The following VRK2 variants were observed in gnomAD, a reference collection of about 807,000 sequenced individuals.
VRK2 encodes the protein VRK serine/threonine kinase 2, also known as serine/threonine-protein kinase VRK2.
Under a neutral mutation model 57.6 loss-of-function variants are expected in VRK2, and 60 were observed. That is an observed-to-expected ratio of 1.04 (90% CI 0.85 to 1.29). The LOEUF is 1.29. Ranked by LOEUF, VRK2 falls within the 50% of genes most tolerant of loss-of-function variation. The pLI is 0.00. For synonymous variants in VRK2, 231 were observed against 199.2 expected, an observed-to-expected ratio of 1.16 and a Z score of -1.35; for missense variants, 705 against 588.1, an observed-to-expected ratio of 1.20 and a Z score of -2.06.
intron 1 of VRK2, among the ~76,000 whole-genome samples, chr2:58,004,345 T>C (rs79222618): frequency 1.3e-5 from 2 of 152,168 alleles, no homozygotes; most frequent in Non-Finnish European, 2.9e-5. Context: ...TTTTCTAAAA[T>C]GTATTACTGA....
At chr2:58,119,234 A>AAG (rs1159935424) in intron 7 of VRK2, among the ~76,000 whole-genome samples, 1 of 151,828 alleles carries the variant, frequency 6.6e-6, no homozygotes, top group Admixed American at 6.6e-5. Flanking sequence ...GCAGTGGCTC[A>AAG]CGCCTGTAAT....
rs149759924 is a variant in VRK2 at position 58,151,251 on chromosome 2, A to G, written c.1182+4777A>G. On this transcript the variant is annotated intron_variant, in intron 12 of 12. Transcript: ENST00000340157. ...GCTTCTATACATTTTTGCTTCATAG[A>G]TTTTGATGCTGTTATTAGGTATATG... is the stretch of plus-strand genomic sequence containing the variant. Among the ~76,000 whole-genome samples the G allele has an allele frequency of 5.3e-3, 797 of 151,798 alleles. 10 individuals are homozygous for G. Among genetic ancestry groups the G allele is most frequent in the African/African-American group, 0.018 (742 of 41,524 alleles).
At chr2:58,129,508 T>C (rs1678849953) in intron 8 of VRK2, among the ~76,000 whole-genome samples, 1 of 152,120 alleles carries the variant, frequency 6.6e-6, no homozygotes, top group Non-Finnish European at 1.5e-5. Flanking sequence ...AAGAAGCAAC[T>C]TTCAAATTAA....
intron 1 of VRK2, among the ~76,000 whole-genome samples, chr2:57,926,485 C>T (rs1670539048): frequency 7.0e-6 from 1 of 143,052 alleles, no homozygotes. Flanking sequence ...TATATATATA[C>T]AATTATATAT....
At chr2:58,069,804 ACT>A (rs1171000660) in intron 2 of VRK2, among the ~76,000 whole-genome samples, 1 of 152,234 alleles carries the variant, frequency 6.6e-6, no homozygotes, top group East Asian at 1.9e-4. Flanking sequence ...ACTCTTCTTA[ACT>A]AGAGAGCTTC....
rs1486749786 is a variant in VRK2 at position 58,103,533 on chromosome 2, G to T, written c.543+13810G>T. ...TTCCTAGAAACATACAACCTCTCAA[G>T]ATTGAACCAGGAAGAAATAGAAATC... is the stretch of plus-strand genomic sequence containing the variant. On this transcript the variant is annotated intron_variant, in intron 7 of 12. Transcript: ENST00000340157. Among the ~76,000 whole-genome samples, 4 of 151,780 alleles carry T rather than the reference G, an allele frequency of 2.6e-5. No individual in the cohort carries two copies. The South Asian group carries it at 8.3e-4, about 31-fold the overall frequency.
intron 1 of VRK2, among the ~76,000 whole-genome samples, chr2:57,952,135 T>G (rs1048744409): frequency 4.6e-5 from 7 of 151,678 alleles, no homozygotes; most frequent in Non-Finnish European, 5.9e-5. Flanking sequence ...GAGATAGAGA[T>G]AGAGATAGAG....
At chr2:58,080,331 G>T (rs13392156) in intron 2 of VRK2, among the ~76,000 whole-genome samples, 11,785 of 151,790 alleles carry the variant, frequency 0.078, 481 homozygotes, top group South Asian at 0.12. Context: ...ATTTTAGATG[G>T]GTTTGAAAAG....
At chr2:57,930,291 C>G (rs545419363) in intron 1 of VRK2, among the ~76,000 whole-genome samples, 34 of 152,262 alleles carry the variant, frequency 2.2e-4, no homozygotes, top group African/African-American at 7.5e-4. Context: ...AAATGCTCCT[C>G]TGTGTGTGCC....
chr2:57,912,916 T>C (rs1670034547), intron 1 of VRK2, among the ~76,000 whole-genome samples: 1 of 152,146 alleles, frequency 6.6e-6, no homozygotes, highest in Non-Finnish European at 1.5e-5. Flanking sequence ...ATGGAATTAG[T>C]GCTCTTATTA....
chr2:58,102,501 A>G (rs1175554998), intron 7 of VRK2, among the ~76,000 whole-genome samples: 1 of 151,292 alleles, frequency 6.6e-6, no homozygotes, highest in Admixed American at 6.6e-5. Flanking sequence ...TTAAAAAAAA[A>G]AAAAAAGACA....
chr2:58,147,327 A>C (rs1573398609), intron 12 of VRK2: 1 of 365,140 alleles, frequency 2.7e-6, no homozygotes, highest in East Asian at 6.0e-5. Context: ...TACTAATAGC[A>C]ATCTTTTACA....
intron 10 of VRK2, 97 bp downstream of exon 10, chr2:58,135,296 A>T (rs953184539): frequency 3.0e-6 from 4 of 1,329,906 alleles, no homozygotes; most frequent in Non-Finnish European, 4.3e-6. Flanking sequence ...ACTTGCTCCT[A>T]TTCCCATCAG....
intron 1 of VRK2, among the ~76,000 whole-genome samples, chr2:57,974,602 G>A (rs1026333491): frequency 1.3e-5 from 2 of 151,796 alleles, no homozygotes; most frequent in African/African-American, 4.8e-5. Flanking sequence ...TTAGAATTCA[G>A]TGAAAATTTG....
chr2:57,927,307 C>T (rs1389190770), intron 1 of VRK2, among the ~76,000 whole-genome samples: 5 of 144,020 alleles, frequency 3.5e-5, no homozygotes, highest in South Asian at 2.2e-4. Flanking sequence ...GATGAAGTCT[C>T]GCTCTATCGC....
intron 2 of VRK2, among the ~76,000 whole-genome samples, chr2:58,026,169 T>C (rs1044774130): frequency 1.3e-5 from 2 of 152,140 alleles, no homozygotes; most frequent in Non-Finnish European, 2.9e-5. Flanking sequence ...AAAGTGAAAA[T>C]TGCCTAGCAC....
At chr2:57,930,616 T>G (rs1312768587) in intron 1 of VRK2, among the ~76,000 whole-genome samples, 1 of 152,176 alleles carries the variant, frequency 6.6e-6, no homozygotes, top group East Asian at 1.9e-4. Context: ...AGACTTCTAT[T>G]TAGCCGTTTT....
intron 2 of VRK2, among the ~76,000 whole-genome samples, chr2:58,027,204 C>T (rs1673956453): frequency 6.6e-6 from 1 of 151,974 alleles, no homozygotes. Flanking sequence ...AAATTAAAGG[C>T]ATCAATCCAG....
intron 1 of VRK2, among the ~76,000 whole-genome samples, chr2:57,919,605 T>C (rs1327976614): frequency 2.0e-5 from 3 of 152,074 alleles, no homozygotes; most frequent in Non-Finnish European, 4.4e-5. Context: ...TTATAAAAAT[T>C]CATTCACAAT....
Sources: allele counts gnomAD v4.1 joint callset (sites outside exome capture counted in the v4.1 genomes callset), GRCh38; gene constraint gnomAD v4.1.1; transcripts MANE v1.5; gene names NCBI Gene and HGNC (gene_info 2026-07-23, HGNC 2026-07-21).